The following VPS39 variants were observed in gnomAD, a reference collection of about 807,000 sequenced individuals.
The protein encoded by VPS39 is VPS39 subunit of HOPS complex.
Under a neutral mutation model 121.0 loss-of-function variants are expected in VPS39, and 70 were observed. That is an observed-to-expected ratio of 0.58 (90% CI 0.48 to 0.71). VPS39 has a LOEUF of 0.71. Ranked by LOEUF, VPS39 falls within the 30% of genes least tolerant of loss-of-function variation. The probability of loss-of-function intolerance (pLI) is 0.00; values close to 1 mark genes in which losing one functional copy is unlikely to be tolerated. For missense variants in VPS39, 818 were observed against 1,051.5 expected, an observed-to-expected ratio of 0.78 and a Z score of 3.07; for synonymous variants, 378 against 398.1, an observed-to-expected ratio of 0.95 and a Z score of 0.60.
chr15:42,160,901 TACAGAAGAGGC>T, intron 24 of VPS39, 72 bp from the exon 25 acceptor site: 1 of 1,501,614 alleles, frequency 6.7e-7, no homozygotes, highest in Non-Finnish European at 9.3e-7. Flanking sequence ...CGGCACCTCC[TACAGAAGAGGC>T]ACATTGCTGG....
Position 42,191,575 on chromosome 15 carries a change from T to C in VPS39, c.140-15A>G. 1.9e-6 allele frequency: 3 copies of C among 1,611,240 alleles called. No homozygotes were observed. The highest frequency in any genetic ancestry group is 1.7e-6 in the Non-Finnish European group (2 of 1,177,790). On this transcript the variant is annotated splice_polypyrimidine_tract_variant and intron_variant, in intron 2 of 24. Transcript: ENST00000318006. ...TCTGTTGCAACCTATGGAAAACAAA[T>C]AAACACTGGTAGTTCCAAATACAGG... is the stretch of plus-strand genomic sequence containing the variant.
At chr15:42,165,458 AT>A (rs939931660) in intron 17 of VPS39, 11 of 471,328 alleles carry the variant, frequency 2.3e-5, no homozygotes, top group East Asian at 3.5e-5. Flanking sequence ...TCGCTTTGGA[AT>A]TTTTTTTCCA....
intron 11 of VPS39, among the ~76,000 whole-genome samples, chr15:42,171,350 C>T (rs962796993): frequency 3.3e-5 from 5 of 152,132 alleles, no homozygotes; most frequent in African/African-American, 7.2e-5. Flanking sequence ...CAGCCAGACT[C>T]GGCATTTCCA....
At chr15:42,198,972 T>C (rs550844635) in intron 2 of VPS39, among the ~76,000 whole-genome samples, 1 of 152,370 alleles carries the variant, frequency 6.6e-6, no homozygotes, top group East Asian at 1.9e-4. Context: ...CTGACCAGGA[T>C]ATCTTCTCTT....
At chr15:42,186,913 T>C (rs1321074145) in intron 7 of VPS39, among the ~76,000 whole-genome samples, 2 of 152,242 alleles carry the variant, frequency 1.3e-5, no homozygotes, top group Admixed American at 6.5e-5. Flanking sequence ...GTCTTAAAAA[T>C]ACTTAAGTTT....
chr15:42,163,556 C>A, intron 20 of VPS39, 70 bp downstream of exon 20: 1 of 1,534,124 alleles, frequency 6.5e-7, no homozygotes, highest in Non-Finnish European at 9.0e-7. Context: ...AGATGGCCTT[C>A]TTAACTCTCA....
chr15:42,176,709 C>T (rs2049458261), intron 10 of VPS39, among the ~76,000 whole-genome samples: 1 of 152,072 alleles, frequency 6.6e-6, no homozygotes, highest in Non-Finnish European at 1.5e-5. Flanking sequence ...AAATCCAGAA[C>T]ATATATGTCC....
chr15:42,170,376 G>T (rs1011810529), intron 11 of VPS39, among the ~76,000 whole-genome samples: 1 of 152,196 alleles, frequency 6.6e-6, no homozygotes, highest in East Asian at 1.9e-4. Context: ...ATGGTGGCAT[G>T]TGCCTGTATC....
rs1194367352 is a variant in VPS39, at chr15:42,178,320, C to T, written c.858G>A (p.Val286=). The change falls in exon 10 of 25, where the codon GTG becomes GTA. Residue 286 remains valine, a synonymous_variant. Transcript: ENST00000318006. ...ITSGGSNIIY[V]ASNHFVWRLI... ...GTCTCCAAACAAAATGATTGCTGGCCACATAGATAATGTTTGATCTGGAAG... is the reference window on the plus strand; with the variant it reads ...GTCTCCAAACAAAATGATTGCTGGCTACATAGATAATGTTTGATCTGGAAG... 1 of 1,614,016 alleles carries T rather than the reference C, an allele frequency of 6.2e-7. No homozygotes were observed. The highest frequency in any genetic ancestry group is 2.2e-5 in the East Asian group (1 of 44,878).
rs774150217 is a variant in VPS39, at chr15:42,191,138, C to A, written c.234G>T (p.Leu78=). 2 of 1,614,076 alleles carry A rather than the reference C, an allele frequency of 1.2e-6. No homozygotes were observed. The highest frequency in any genetic ancestry group is 2.2e-5 in the East Asian group (1 of 44,870). Residue 78 remains leucine, a synonymous_variant, in exon 4 of 25, where the codon CTG becomes CTT. Coordinates refer to ENST00000318006, the MANE Select transcript of VPS39 (RefSeq NM_015289.5). The part of the protein sequence containing the change: ...QIHVVSQFKI[L]VSLLENNIYV... ...TCCTTTTCTTACCTAACAAGCTGAC[C>A]AGAATCTTAAACTGGGAAACCACAT... is the stretch of plus-strand genomic sequence containing the variant.
intron 11 of VPS39, 103 bp from the exon 12 acceptor site, chr15:42,169,969 T>TAA (rs200898817): frequency 1.5e-4 from 142 of 951,960 alleles, no homozygotes; most frequent in South Asian, 3.3e-4. Flanking sequence ...CAGACTGATT[T>TAA]AAAAAAAAAA....
intron 1 of VPS39, among the ~76,000 whole-genome samples, chr15:42,202,735 T>C (rs1566912943): frequency 6.6e-6 from 1 of 152,186 alleles, no homozygotes; most frequent in Non-Finnish European, 1.5e-5. Context: ...CCAGGGTCTA[T>C]CAATTCTACC....
intron 10 of VPS39, among the ~76,000 whole-genome samples, chr15:42,177,080 T>C (rs566226081): frequency 1.3e-5 from 2 of 148,186 alleles, no homozygotes; most frequent in African/African-American, 5.0e-5. Context: ...GGCTGATCAC[T>C]TGAGACCAGG....
At chr15:42,165,374 T>G in intron 17 of VPS39, 1 of 547,896 alleles carries the variant, frequency 1.8e-6, no homozygotes, top group Non-Finnish European at 3.2e-6. Context: ...TCATAGCGAC[T>G]CATGTAATTG....
intron 22 of VPS39, 63 bp from the exon 23 acceptor site, chr15:42,162,229 C>T (rs2049143325): frequency 6.2e-7 from 1 of 1,609,062 alleles, no homozygotes; most frequent in East Asian, 2.2e-5. Context: ...GAAGAAATGT[C>T]TGCAGCCGTG....
chr15:42,170,741 AT>A (rs869280235), intron 11 of VPS39, among the ~76,000 whole-genome samples: 2,107 of 50,148 alleles, frequency 0.042, 16 homozygotes, highest in Admixed American at 0.12. Flanking sequence ...ATGCTCGCAG[AT>A]TTTTTTTTTT....
At chr15:42,172,610 G>A (rs1018395811) in intron 11 of VPS39, among the ~76,000 whole-genome samples, 1 of 152,184 alleles carries the variant, frequency 6.6e-6, no homozygotes, top group South Asian at 2.1e-4. Flanking sequence ...GCAACAACAG[G>A]GGAAGTGGCA....
At chr15:42,206,881 A>G (rs2050184374) in intron 1 of VPS39, among the ~76,000 whole-genome samples, 1 of 152,212 alleles carries the variant, frequency 6.6e-6, no homozygotes, top group Non-Finnish European at 1.5e-5. Context: ...TCTTTCATTT[A>G]AAAACTTTTT....
At chr15:42,195,137 A>G (rs942765144) in intron 2 of VPS39, among the ~76,000 whole-genome samples, 2 of 152,060 alleles carry the variant, frequency 1.3e-5, no homozygotes, top group Non-Finnish European at 2.9e-5. Context: ...AAGCCCTCTC[A>G]GTTCAAAATA....
Sources: allele counts gnomAD v4.1 joint callset (sites outside exome capture counted in the v4.1 genomes callset), GRCh38; gene constraint gnomAD v4.1.1; transcripts MANE v1.5; gene names NCBI Gene and HGNC (gene_info 2026-07-23, HGNC 2026-07-21).